The following IGSF11 variants were observed in gnomAD, a reference collection of about 807,000 sequenced individuals.
IGSF11 encodes immunoglobulin superfamily member 11.
In IGSF11, 22 loss-of-function variants were observed where a neutral mutation model predicts 41.0. The observed-to-expected ratio is 0.54, with a 90% CI of 0.38 to 0.77. IGSF11 has a LOEUF of 0.77. Among genes scored for constraint, IGSF11 ranks in the 30% least tolerant of loss-of-function variants. IGSF11 has a pLI of 0.00. For missense variants in IGSF11, 444 were observed against 530.8 expected, an observed-to-expected ratio of 0.84 and a Z score of 1.61; for synonymous variants, 219 against 201.3, an observed-to-expected ratio of 1.09 and a Z score of -0.74.
chr3:119,136,939 A>G (rs2077571449), intron 1 of IGSF11, among the ~76,000 whole-genome samples: 3 of 152,170 alleles, frequency 2.0e-5, no homozygotes, highest in Non-Finnish European at 4.4e-5. Flanking sequence ...TGCCAACAGC[A>G]AGCAATCTGA....
At chr3:119,004,952 G>A (rs1015617209) in intron 1 of IGSF11, among the ~76,000 whole-genome samples, 2 of 151,684 alleles carry the variant, frequency 1.3e-5, no homozygotes, top group African/African-American at 4.9e-5. Context: ...GATTTGGGGT[G>A]GAGAGTTCTG....
At chr3:119,099,111 T>C (rs1462976450) in intron 1 of IGSF11, among the ~76,000 whole-genome samples, 1 of 152,202 alleles carries the variant, frequency 6.6e-6, no homozygotes, top group African/African-American at 2.4e-5. Context: ...CAGAATGACA[T>C]TTAGAAGTAT....
chr3:118,938,373 A>T (rs1414629870), intron 1 of IGSF11, among the ~76,000 whole-genome samples: 1 of 152,126 alleles, frequency 6.6e-6, no homozygotes, highest in Non-Finnish European at 1.5e-5. Flanking sequence ...AGCTTTCCAC[A>T]CTGCCAGGAT....
At chr3:119,076,797 C>T (rs2076507156) in intron 1 of IGSF11, among the ~76,000 whole-genome samples, 1 of 149,026 alleles carries the variant, frequency 6.7e-6, no homozygotes, top group South Asian at 2.1e-4. Context: ...AATAGGAACA[C>T]TTTTTTTTTT....
chr3:118,935,761 G>A (rs982006420), intron 1 of IGSF11, among the ~76,000 whole-genome samples: 4 of 151,998 alleles, frequency 2.6e-5, no homozygotes, highest in South Asian at 4.2e-4. Context: ...GTTGAAGCCG[G>A]ATATCTAGAC....
intron 1 of IGSF11, among the ~76,000 whole-genome samples, chr3:119,144,743 A>G (rs1012627811): frequency 2.6e-5 from 4 of 152,228 alleles, no homozygotes; most frequent in Admixed American, 6.5e-5. Context: ...ATACATACCT[A>G]TAGATATAGA....
chr3:119,063,778 G>T (rs899741537), intron 1 of IGSF11, among the ~76,000 whole-genome samples: 4 of 152,194 alleles, frequency 2.6e-5, no homozygotes, highest in African/African-American at 9.6e-5. Context: ...CATAGATGAT[G>T]TTCCAACCCT....
At chr3:119,094,122 A>T (rs770427912) in intron 1 of IGSF11, among the ~76,000 whole-genome samples, 3 of 148,988 alleles carry the variant, frequency 2.0e-5, no homozygotes, top group Non-Finnish European at 4.5e-5. Context: ...CAGTTGATAA[A>T]AATTTTAATA....
chr3:119,026,156 A>C (rs1939802946), intron 1 of IGSF11, among the ~76,000 whole-genome samples: 1 of 152,184 alleles, frequency 6.6e-6, no homozygotes. Context: ...TTCTTCATTG[A>C]GTTTTTACCC....
rs763572535 is a variant in IGSF11, at chr3:118,905,665, A to G, written c.634T>C (p.Leu212=). Residue 212 remains leucine (L), a synonymous_variant, in exon 5 of 7, where the codon TTG becomes CTG. Coordinates refer to ENST00000393775, the MANE Select transcript of IGSF11 (RefSeq NM_001015887.3). ...GCATTAGAAGCCACGCACTGGTACA[A>G]ACCTGAAGACAGGGCACTGATGTTC... is the stretch of plus-strand genomic sequence containing the variant. The part of the protein sequence containing the change: ...IRNISALSSG[L]YQCVASNAIG... 6.2e-7 allele frequency: 1 copy of G among 1,613,910 alleles called. No homozygotes were observed. The highest frequency in any genetic ancestry group is 2.2e-5 in the East Asian group (1 of 44,876).
chr3:119,068,772 A>C (rs1942306680), intron 1 of IGSF11, among the ~76,000 whole-genome samples: 1 of 152,176 alleles, frequency 6.6e-6, no homozygotes, highest in African/African-American at 2.4e-5. Flanking sequence ...ACAGTATTTT[A>C]AAATAGCTTC....
chr3:119,009,561 T>C (rs747127698), intron 1 of IGSF11, among the ~76,000 whole-genome samples: 25 of 152,316 alleles, frequency 1.6e-4, no homozygotes, highest in Non-Finnish European at 4.4e-5. Flanking sequence ...CCTTCCACCA[T>C]GACTATAAGT....
At chr3:118,989,165 C>T (rs1935539709) in intron 1 of IGSF11, among the ~76,000 whole-genome samples, 1 of 152,138 alleles carries the variant, frequency 6.6e-6, no homozygotes, top group South Asian at 2.1e-4. Flanking sequence ...AGACACAACC[C>T]TTGTCTAGTG....
intron 1 of IGSF11, among the ~76,000 whole-genome samples, chr3:118,990,478 C>T (rs912534586): frequency 6.6e-6 from 1 of 152,072 alleles, no homozygotes; most frequent in African/African-American, 2.4e-5. Context: ...GATCAGTAAA[C>T]ATAAAGATGC....
Position 118,905,734 on chromosome 3 carries a change from T to A in IGSF11, c.581-16A>T. The A allele has an allele frequency of 6.2e-7, 1 of 1,613,078 alleles. No individual in the cohort carries two copies. Among genetic ancestry groups the A allele is most frequent in the East Asian group, 2.2e-5 (1 of 44,868 alleles). ...TGGACCTGGTCTGTCACAAAAATAA[T>A]AACCGAGTGAGGATTTGGCGGGACT... On this transcript the variant is annotated splice_polypyrimidine_tract_variant and intron_variant, in intron 4 of 6. Coordinates refer to ENST00000393775, the MANE Select transcript of IGSF11 (RefSeq NM_001015887.3).
intron 1 of IGSF11, among the ~76,000 whole-genome samples, chr3:118,983,793 T>C (rs750157328): frequency 1.3e-5 from 2 of 152,218 alleles, no homozygotes; most frequent in Non-Finnish European, 2.9e-5. Flanking sequence ...ATAGACATAG[T>C]AGATGCAAAT....
upstream of IGSF11, among the ~76,000 whole-genome samples, chr3:119,106,834 A>G (rs546517554): frequency 1.1e-4 from 17 of 151,368 alleles, no homozygotes; most frequent in Admixed American, 3.3e-4. Flanking sequence ...GAGAACATGC[A>G]GTGTTTGGTT....
At chr3:118,980,965 TC>T (rs1202352402) in intron 1 of IGSF11, among the ~76,000 whole-genome samples, 2 of 152,192 alleles carry the variant, frequency 1.3e-5, no homozygotes, top group African/African-American at 4.8e-5. Context: ...AAAACTCATT[TC>T]CCAGGAATCA....
At chr3:119,021,781 T>G (rs1939313729) in intron 1 of IGSF11, among the ~76,000 whole-genome samples, 1 of 152,062 alleles carries the variant, frequency 6.6e-6, no homozygotes, top group Non-Finnish European at 1.5e-5. Flanking sequence ...GGCAAAAAAT[T>G]TATAGTCAAG....
Sources: gnomAD v4.1 joint callset for allele counts (sites outside exome capture counted in the v4.1 genomes callset) on GRCh38, gnomAD v4.1.1 for gene constraint, MANE v1.5 for transcripts, NCBI Gene and HGNC (gene_info 2026-07-23, HGNC 2026-07-21) for gene names.